The following NF1 variants were observed in gnomAD, a reference collection of about 807,000 sequenced individuals.
NF1 encodes neurofibromin.
NF1 carries 122 observed loss-of-function variants against 325.7 expected under a neutral mutation model. The observed-to-expected ratio is 0.37, with a 90% CI of 0.32 to 0.44. NF1 has a LOEUF of 0.44. Ranked by LOEUF, NF1 falls within the 20% of genes least tolerant of loss-of-function variation. The probability of loss-of-function intolerance (pLI) is 1.00; values close to 1 mark genes in which losing one functional copy is unlikely to be tolerated. For synonymous variants in NF1, 1,091 were observed against 1,186.0 expected (o/e 0.92, Z 1.65); for missense variants, 2,140 against 3,415.4 (o/e 0.63, Z 9.31).
intron 1 of NF1, among the ~76,000 whole-genome samples, chr17:31,155,777 A>AT (rs1461342336): frequency 6.6e-6 from 1 of 152,200 alleles, no homozygotes; most frequent in Non-Finnish European, 1.5e-5. Flanking sequence ...AAATGCTATC[A>AT]TATATTGGTG....
At position 31,336,623 on chromosome 17, in the gene NF1, G is replaced by A. The variant is rs562331001; in HGVS notation, c.6148-12G>A. ...TTTTTTTTTTAAAAAAAAAAATCCT[G>A]CTTCTTTACAGGTTATTGGAAGGAT... is the stretch of plus-strand genomic sequence containing the variant. On this transcript the variant is annotated splice_polypyrimidine_tract_variant and intron_variant, in intron 41 of 57. Transcript: ENST00000358273. This position sits in a 1 kb window ranked among gnomAD's most constrained non-coding sequence, Gnocchi z 5.5. The A allele has an allele frequency of 6.3e-7, 1 of 1,581,190 alleles. No individual in the cohort carries two copies. Among genetic ancestry groups the A allele is most frequent in the African/African-American group, 1.4e-5 (1 of 72,240 alleles).
chr17:31,190,915 C>G (rs1026464960), intron 8 of NF1, among the ~76,000 whole-genome samples: 2 of 152,124 alleles, frequency 1.3e-5, no homozygotes, highest in African/African-American at 4.8e-5. Context: ...GGTATTCTTA[C>G]CTTCTCTTTC....
At chr17:31,362,872 T>C (rs1303268616) in intron 57 of NF1, among the ~76,000 whole-genome samples, 3 of 152,264 alleles carry the variant, frequency 2.0e-5, no homozygotes, top group South Asian at 2.1e-4. Flanking sequence ...TTCTCTGCTA[T>C]TTGATTAGTT....
intron 1 of NF1, among the ~76,000 whole-genome samples, chr17:31,110,059 C>T (rs979416120): frequency 6.6e-6 from 1 of 152,084 alleles, no homozygotes; most frequent in African/African-American, 2.4e-5. Context: ...GATTTCCTGG[C>T]TCTACTAAAC....
chr17:31,160,750 CA>C (rs1052499821), intron 3 of NF1, among the ~76,000 whole-genome samples: 44 of 152,258 alleles, frequency 2.9e-4, no homozygotes, highest in African/African-American at 9.6e-4. Flanking sequence ...TCTCCATTAA[CA>C]TTTGTAATTG....
intron 36 of NF1, among the ~76,000 whole-genome samples, chr17:31,322,164 C>T (rs976140135): frequency 2.0e-5 from 3 of 150,996 alleles, no homozygotes; most frequent in African/African-American, 7.4e-5. Flanking sequence ...TCAAGTTTAA[C>T]ATGACTGAAA....
chr17:31,139,381 C>CAG lies in NF1; in HGVS notation c.61-16601_61-16600insGA, dbSNP rs1474094140. ...ATCTTAAATGTTTTACACAGACACACACACACACACACACACACACACACA... is the reference window on the plus strand; with the variant it reads ...ATCTTAAATGTTTTACACAGACACACAGACACACACACACACACACACACACA... On this transcript the variant is annotated intron_variant, in intron 1 of 57. Transcript: ENST00000358273. Among the ~76,000 whole-genome samples the CAG allele has an allele frequency of 5.4e-5, 8 of 146,880 alleles. No homozygotes were observed. The South Asian group carries it at 1.3e-3, about 23-fold the overall frequency.
At chr17:31,206,218 A>G (rs368654601) in intron 11 of NF1, 22 bp from the exon 12 acceptor site, 5 of 1,613,000 alleles carry the variant, frequency 3.1e-6, no homozygotes, top group Non-Finnish European at 3.4e-6. Context: ...TTTTCTTCCT[A>G]TTGGTCTTTG....
At chr17:31,295,434 C>G in intron 36 of NF1, 6 of 1,614,112 alleles carry the variant, frequency 3.7e-6, no homozygotes, top group Non-Finnish European at 5.1e-6. Flanking sequence ...ATTTTGGTCA[C>G]TTTGGGTTGA....
chr17:31,353,060 C>T (rs1488156607), intron 51 of NF1, among the ~76,000 whole-genome samples: 2 of 152,120 alleles, frequency 1.3e-5, no homozygotes, highest in Admixed American at 1.3e-4. Flanking sequence ...AGGCACACGT[C>T]ACCACATCTG....
chr17:31,350,551 C>T (rs2070114958), intron 50 of NF1, among the ~76,000 whole-genome samples: 2 of 152,066 alleles, frequency 1.3e-5, no homozygotes, highest in Non-Finnish European at 2.9e-5. Context: ...GCCTCTGAAG[C>T]ACAGACCAAA....
At chr17:31,256,247 C>T (rs1374025204) in intron 31 of NF1, among the ~76,000 whole-genome samples, 1 of 152,174 alleles carries the variant, frequency 6.6e-6, no homozygotes, top group Non-Finnish European at 1.5e-5. Context: ...AAGCGATTCT[C>T]CTGCCTTAGC....
rs758657269 is a variant in NF1 at position 31,196,031 on chromosome 17, GGTTT to G, written c.889-4387_889-4384del. On this transcript the variant is annotated intron_variant, in intron 8 of 57. Transcript: ENST00000358273. ...TGTTGTTTTTAAAGTCACTTTTGAT[GGTTT>G]GTTCTTTGCTAGAAAATATATATTT... Among the ~76,000 whole-genome samples the G allele has an allele frequency of 2.0e-5, 3 of 151,680 alleles. No homozygotes were observed. The East Asian group carries it at 5.8e-4, about 29-fold the overall frequency.
chr17:31,158,717 G>A (rs1047790263), intron 2 of NF1, among the ~76,000 whole-genome samples: 5 of 152,032 alleles, frequency 3.3e-5, no homozygotes, highest in Non-Finnish European at 5.9e-5. Flanking sequence ...TTCTGGTACA[G>A]GTCTATATGT....
At chr17:31,209,059 C>T (rs189295735) in intron 12 of NF1, among the ~76,000 whole-genome samples, 8 of 152,252 alleles carry the variant, frequency 5.3e-5, no homozygotes, top group Middle Eastern at 3.4e-3. Context: ...GGCTGTACTG[C>T]GCATTGTGGG....
At chr17:31,352,448 T>C (rs2070174724) in intron 51 of NF1, 34 bp downstream of exon 51, 7 of 1,482,656 alleles carry the variant, frequency 4.7e-6, no homozygotes, top group Non-Finnish European at 6.3e-6. Context: ...ATTTTTTTTA[T>C]TATTTAAAAA....
chr17:31,166,839 A>T (rs1320152224), intron 4 of NF1, among the ~76,000 whole-genome samples: 1 of 152,090 alleles, frequency 6.6e-6, no homozygotes, highest in African/African-American at 2.4e-5. Context: ...CTCCTAGGTT[A>T]AGGAGATCAA....
intron 1 of NF1, among the ~76,000 whole-genome samples, chr17:31,118,866 A>G (rs1386177679): frequency 1.3e-5 from 2 of 151,882 alleles, no homozygotes; most frequent in East Asian, 1.9e-4. Flanking sequence ...GAATCGCCAC[A>G]CTGTCTTCCA....
chr17:31,229,237 G>A lies in NF1; in HGVS notation c.2622G>A (p.Lys874=), dbSNP rs77917884. 3.3e-5 allele frequency: 53 copies of A among 1,612,480 alleles called. No homozygotes were observed. In the East Asian group the frequency reaches 1.2e-3, roughly 35 times the overall value. Residue 874 remains lysine, a synonymous_variant, in exon 21 of 58, where the codon AAG becomes AAA. Coordinates refer to ENST00000358273, the MANE Select transcript of NF1 (RefSeq NM_001042492.3). ...CCATGGGTCCAGTCAGTGAACGTAA[G>A]GGTTCTATGATTTCAGTGATGTCTT... ...SPPMGPVSER[K]GSMISVMSSE...
Sources: gnomAD v4.1 joint callset for allele counts (sites outside exome capture counted in the v4.1 genomes callset) on GRCh38, gnomAD v4.1.1 for gene constraint, Gnocchi (gnomAD v3.1) non-coding constraint, MANE v1.5 for transcripts, NCBI Gene and HGNC (gene_info 2026-07-23, HGNC 2026-07-21) for gene names.